The following TAF15 variants were observed in gnomAD, a reference collection of about 807,000 sequenced individuals.
TAF15 encodes the protein TATA-box binding protein associated factor 15, also known as TATA-binding protein-associated factor 2N.
Under a neutral mutation model 102.5 loss-of-function variants are expected in TAF15, and 37 were observed. The observed-to-expected ratio is 0.36, with a 90% CI of 0.28 to 0.47. The LOEUF (loss-of-function observed/expected upper bound fraction) is 0.47, where lower values mean the gene tolerates loss of function less well. TAF15 is among the 20% of genes least tolerant of loss of function. The pLI, the probability that TAF15 is intolerant of heterozygous loss-of-function variation, is 0.99. For missense variants in TAF15, 652 were observed against 760.7 expected (o/e 0.86, Z 1.68); for synonymous variants, 273 against 259.2 (o/e 1.05, Z -0.51).
At chr17:35,812,408 C>T (rs867044915) in intron 1 of TAF15, among the ~76,000 whole-genome samples, 1 of 151,754 alleles carries the variant, frequency 6.6e-6, no homozygotes, top group Non-Finnish European at 1.5e-5. Context: ...ACCAGCTTGA[C>T]CAACCTGGAG....
At chr17:35,821,098 G>A (rs906654106) in intron 5 of TAF15, among the ~76,000 whole-genome samples, 2 of 152,106 alleles carry the variant, frequency 1.3e-5, no homozygotes, top group Non-Finnish European at 2.9e-5. Context: ...TTTACAGAGG[G>A]TAAAGAAATT....
intron 7 of TAF15, among the ~76,000 whole-genome samples, chr17:35,827,440 T>G (rs1598532281): frequency 6.6e-6 from 1 of 152,114 alleles, no homozygotes; most frequent in African/African-American, 2.4e-5. Context: ...GTATGGTGGC[T>G]CACGCCTGTA....
chr17:35,824,304 A>G, intron 7 of TAF15, 106 bp downstream of exon 7: 1 of 1,457,242 alleles, frequency 6.9e-7, no homozygotes, highest in Admixed American at 2.2e-5. Flanking sequence ...TAGTTAAGAG[A>G]CTTTAAAAAG....
At chr17:35,843,735 A>G (rs763023103) in intron 12 of TAF15, among the ~76,000 whole-genome samples, 1 of 152,232 alleles carries the variant, frequency 6.6e-6, no homozygotes, top group Non-Finnish European at 1.5e-5. Flanking sequence ...ACTCGCAAGT[A>G]TAAGGCAAAT....
Position 35,814,013 on chromosome 17 carries a change from T to G in TAF15, c.8-3703T>G, listed in dbSNP as rs539143755. ...TTTTTTTGTTGTTGTTGTTGTTGTT[T>G]TTGTTTTTTTTAAGAGTAGCGGGGA... On this transcript the variant is annotated intron_variant, in intron 1 of 15. Transcript: ENST00000605844. Among the ~76,000 whole-genome samples, 13 of 151,602 alleles carry G rather than the reference T, an allele frequency of 8.6e-5. 1 individual carries two copies. The highest frequency in any genetic ancestry group is 6.3e-4 in the South Asian group (3 of 4,790).
chr17:35,825,453 A>T (rs2087313718), intron 7 of TAF15, among the ~76,000 whole-genome samples: 1 of 152,224 alleles, frequency 6.6e-6, no homozygotes, highest in African/African-American at 2.4e-5. Flanking sequence ...TCCAAACAAG[A>T]TAACCAACAG....
chr17:35,841,750 C>T (rs2087550180), intron 11 of TAF15, among the ~76,000 whole-genome samples: 1 of 147,470 alleles, frequency 6.8e-6, no homozygotes, highest in African/African-American at 2.5e-5. Context: ...CAGGCTAGTA[C>T]ACAGTGGCAC....
rs770927012 is a variant in TAF15 at position 35,838,563 on chromosome 17, A to T, written c.913+10A>T. 156 of 1,613,872 alleles carry T rather than the reference A, an allele frequency of 9.7e-5. No homozygotes were observed. Among genetic ancestry groups the T allele is most frequent in the Non-Finnish European group, 1.1e-4 (135 of 1,180,036 alleles). On this transcript the variant is annotated intron_variant, in intron 11 of 15. Coordinates refer to ENST00000605844, the MANE Select transcript of TAF15 (RefSeq NM_139215.3). ...ATTGACTGGTTTGATGGTATGCCTCATTCGTATAGTTTTCAGCATGAAGTT... is the reference window on the plus strand; with the variant it reads ...ATTGACTGGTTTGATGGTATGCCTCTTTCGTATAGTTTTCAGCATGAAGTT...
chr17:35,838,040 G>A lies in TAF15; in HGVS notation c.784-384G>A, dbSNP rs1370608443. On this transcript the variant is annotated intron_variant, in intron 10 of 15. Coordinates refer to ENST00000605844, the MANE Select transcript of TAF15 (RefSeq NM_139215.3). ...CCATCTCTACAACAACAAAAAAGCCGGGCGTGGTGGCACTTGCTTGTAGTC... is the reference window on the plus strand; with the variant it reads ...CCATCTCTACAACAACAAAAAAGCCAGGCGTGGTGGCACTTGCTTGTAGTC... Among the ~76,000 whole-genome samples the A allele has an allele frequency of 4.6e-5, 7 of 151,860 alleles. No individual in the cohort carries two copies. In the East Asian group the frequency reaches 9.7e-4, roughly 21 times the overall value.
rs1376620285 is a variant in TAF15 at position 35,844,988 on chromosome 17, T to G, written c.1689T>G (p.Gly563=). ...RSGGGYGGDR[G]GGYGGDRGGY... ...GTGGCGGCTATGGAGGAGACCGAGG[T>G]GGGGGCTACGGAGGAGACCGAGGTG... Residue 563 remains glycine (G), a synonymous_variant, in exon 15 of 16, where the codon GGT becomes GGG. Coordinates refer to ENST00000605844, the MANE Select transcript of TAF15 (RefSeq NM_139215.3). 6.2e-7 allele frequency: 1 copy of G among 1,609,424 alleles called. No individual in the cohort carries two copies. Among genetic ancestry groups the G allele is most frequent in the Non-Finnish European group, 8.5e-7 (1 of 1,177,970 alleles).
chr17:35,833,576 T>C, intron 7 of TAF15: 1 of 215,448 alleles, frequency 4.6e-6, no homozygotes, highest in East Asian at 9.1e-5. Context: ...GAAAAAATAC[T>C]TACTCTAGTT....
chr17:35,827,354 AGT>A (rs2087343466), intron 7 of TAF15, among the ~76,000 whole-genome samples: 1 of 149,688 alleles, frequency 6.7e-6, no homozygotes, highest in African/African-American at 2.5e-5. Flanking sequence ...AAAAAAAAAT[AGT>A]TCTTTTGGGG....
At chr17:35,812,583 CAAA>C (rs34497840) in intron 1 of TAF15, among the ~76,000 whole-genome samples, 840 of 66,240 alleles carry the variant, frequency 0.013, 5 homozygotes, top group Non-Finnish European at 0.02. Context: ...AACTCTATCT[CAAA>C]AAAAAAAAAA....
intron 10 of TAF15, among the ~76,000 whole-genome samples, chr17:35,837,319 T>TTAAAA (rs2087487754): frequency 1.3e-5 from 2 of 150,520 alleles, no homozygotes; most frequent in Non-Finnish European, 2.9e-5. Context: ...ACCCAGCTAG[T>TTAAAA]TAAAAATTTT....
intron 8 of TAF15, 148 bp downstream of exon 8, chr17:35,834,089 A>G (rs940458214): frequency 6.7e-6 from 3 of 447,114 alleles, no homozygotes; most frequent in Non-Finnish European, 1.1e-5. Context: ...TTATATATAT[A>G]TATATACACA....
Position 35,834,143 on chromosome 17 carries a change from A to G in TAF15, c.640+202A>G, listed in dbSNP as rs1463175961. The G allele has an allele frequency of 7.1e-5, 26 of 366,980 alleles. 1 individual carries two copies. Among genetic ancestry groups the G allele is most frequent in the Admixed American group, 2.0e-4 (5 of 24,492 alleles). The allele number at this position is 366,980 out of a possible 1,614,324, so 22.7% of individuals were successfully genotyped here. A position where few individuals can be genotyped will look rare whatever the true frequency, so the allele number is the denominator to read the frequency against. Reference sequence around the variant, plus strand: ...CATTAAAAAGCCAAAGTTGATCTCAAAACAGTCCAATGGGTTTTCTACACA... The same window carrying G: ...CATTAAAAAGCCAAAGTTGATCTCAGAACAGTCCAATGGGTTTTCTACACA... On this transcript the variant is annotated intron_variant, in intron 8 of 15. Transcript: ENST00000605844.
At chr17:35,842,500 G>C (rs773546755) in intron 12 of TAF15, 41 bp downstream of exon 12, 75 of 1,498,848 alleles carry the variant, frequency 5.0e-5, no homozygotes, top group Non-Finnish European at 6.9e-5. Flanking sequence ...ACTATCCAAG[G>C]GTTTAAGTTT....
At chr17:35,845,461 G>T (rs1377447682) in intron 15 of TAF15, among the ~76,000 whole-genome samples, 1 of 152,040 alleles carries the variant, frequency 6.6e-6, no homozygotes, top group Non-Finnish European at 1.5e-5. Flanking sequence ...TCACTATGTT[G>T]CCCAGGCTGG....
At chr17:35,830,584 A>G (rs1598536231) in intron 7 of TAF15, among the ~76,000 whole-genome samples, 2 of 152,220 alleles carry the variant, frequency 1.3e-5, no homozygotes, top group East Asian at 3.8e-4. Context: ...TTAATATCTA[A>G]TAGTACTACT....
Sources: gnomAD v4.1 joint callset for allele counts (sites outside exome capture counted in the v4.1 genomes callset) on GRCh38, gnomAD v4.1.1 for gene constraint, MANE v1.5 for transcripts, NCBI Gene and HGNC (gene_info 2026-07-23, HGNC 2026-07-21) for gene names.